Variants in LSAMP observed in about 807,000 individuals in gnomAD.
LSAMP encodes the protein limbic system associated membrane protein, also known as limbic system-associated membrane protein.
A neutral mutation model predicts 38.6 loss-of-function variants in LSAMP; 7 were observed. The ratio of observed to expected loss-of-function variants is 0.18; its 90% CI spans 0.10 to 0.34. The LOEUF is 0.34. Among genes scored for constraint, LSAMP ranks in the 10% least tolerant of loss-of-function variants. The probability of loss-of-function intolerance (pLI) is 1.00; values close to 1 mark genes in which losing one functional copy is unlikely to be tolerated. For missense variants in LSAMP, 313 were observed against 420.0 expected (o/e 0.75, Z 2.23); for synonymous variants, 154 against 166.8 (o/e 0.92, Z 0.59).
At chr3:116,264,949 T>G (rs910989364) in intron 1 of LSAMP, among the ~76,000 whole-genome samples, 1 of 152,110 alleles carries the variant, frequency 6.6e-6, no homozygotes, top group Admixed American at 6.5e-5. Context: ...GGTCTGTGGG[T>G]GGAGCTGAAC....
chr3:116,060,475 A>T (rs1333632289), intron 2 of LSAMP, among the ~76,000 whole-genome samples: 2 of 152,120 alleles, frequency 1.3e-5, no homozygotes, highest in East Asian at 3.9e-4. Context: ...AAATGTATTC[A>T]TTTGTCTGGG....
chr3:116,081,768 A>G (rs1016646408), intron 2 of LSAMP, among the ~76,000 whole-genome samples: 1 of 152,188 alleles, frequency 6.6e-6, no homozygotes, highest in African/African-American at 2.4e-5. Context: ...GCTGAGAAAA[A>G]TGTATGGGAT....
intron 2 of LSAMP, among the ~76,000 whole-genome samples, chr3:116,043,456 A>G (rs1336445489): frequency 1.3e-5 from 2 of 152,126 alleles, no homozygotes; most frequent in Non-Finnish European, 2.9e-5. Flanking sequence ...GTATCTACCT[A>G]ACTCAGAGCA....
At chr3:116,129,310 G>A (rs1243091789) in intron 1 of LSAMP, among the ~76,000 whole-genome samples, 9 of 152,156 alleles carry the variant, frequency 5.9e-5, no homozygotes, top group African/African-American at 1.9e-4. Flanking sequence ...GAATGGCACT[G>A]CATTGCACTT....
intron 1 of LSAMP, among the ~76,000 whole-genome samples, chr3:116,275,480 G>A (rs1217717089): frequency 6.6e-6 from 1 of 151,960 alleles, no homozygotes; most frequent in Non-Finnish European, 1.5e-5. Context: ...GGCATTGGGG[G>A]GAGTCTATAA....
At chr3:116,213,091 T>G (rs1170653459) in intron 1 of LSAMP, among the ~76,000 whole-genome samples, 1 of 152,170 alleles carries the variant, frequency 6.6e-6, no homozygotes, top group Non-Finnish European at 1.5e-5. Context: ...TATTTATAAA[T>G]AAATATCCAG....
At chr3:116,433,235 T>A (rs1481427107) in intron 1 of LSAMP, among the ~76,000 whole-genome samples, 1 of 152,188 alleles carries the variant, frequency 6.6e-6, no homozygotes, top group Non-Finnish European at 1.5e-5. Flanking sequence ...TTTATTTTTT[T>A]AATATTTTGT....
At chr3:115,938,889 C>G (rs1937800058) in intron 3 of LSAMP, among the ~76,000 whole-genome samples, 1 of 152,140 alleles carries the variant, frequency 6.6e-6, no homozygotes, top group African/African-American at 2.4e-5. Flanking sequence ...CATTTCAGTA[C>G]TATGCCTAAT....
chr3:115,937,338 G>T (rs1407831567), intron 3 of LSAMP, among the ~76,000 whole-genome samples: 1 of 152,060 alleles, frequency 6.6e-6, no homozygotes, highest in Non-Finnish European at 1.5e-5. Context: ...AAAACATGGT[G>T]GCATAGAAAT....
intron 1 of LSAMP, among the ~76,000 whole-genome samples, chr3:116,169,460 T>G (rs1710142275): frequency 6.6e-6 from 1 of 152,208 alleles, no homozygotes. Context: ...CATCATAGGT[T>G]AAGCTTCCAG....
intron 3 of LSAMP, among the ~76,000 whole-genome samples, chr3:115,929,031 T>C (rs1376160941): frequency 1.6e-4 from 23 of 144,938 alleles, no homozygotes; most frequent in Non-Finnish European, 6.0e-5. Flanking sequence ...TTAGCTGTAA[T>C]AATATTCTAT....
rs3974285 is a variant in LSAMP, at chr3:116,220,185, AACAC to A, written c.156-133633_156-133630del. Among the ~76,000 whole-genome samples the A allele has an allele frequency of 7.2e-3, 1,014 of 141,424 alleles. 4 individuals are homozygous for A. Among genetic ancestry groups the A allele is most frequent in the African/African-American group, 0.018 (691 of 38,484 alleles). 92.8% of individuals were successfully genotyped at this position (141,424 alleles called of 152,430 possible). A position where few individuals can be genotyped will look rare whatever the true frequency, so the allele number is the denominator to read the frequency against. ...GTGACAGAGTGAGACTCCATCTCAA[AACAC>A]ACACACACACACACACACACACACA... is the stretch of plus-strand genomic sequence containing the variant. On this transcript the variant is annotated intron_variant, in intron 1 of 6. Transcript: ENST00000490035.
chr3:116,214,893 G>A (rs1026555800), intron 1 of LSAMP, among the ~76,000 whole-genome samples: 2 of 152,246 alleles, frequency 1.3e-5, no homozygotes, highest in East Asian at 3.9e-4. Flanking sequence ...ATGGGAAGAG[G>A]AGAAATAATA....
chr3:116,130,947 A>T (rs1576382304), intron 1 of LSAMP, among the ~76,000 whole-genome samples: 2 of 141,798 alleles, frequency 1.4e-5, no homozygotes, highest in Non-Finnish European at 1.5e-5. Flanking sequence ...TTCAAAATTC[A>T]TTCACTTCAC....
At chr3:116,256,721 GTCAGTC>G (rs1405343972) in intron 1 of LSAMP, among the ~76,000 whole-genome samples, 1 of 151,998 alleles carries the variant, frequency 6.6e-6, no homozygotes, top group Admixed American at 6.6e-5. Flanking sequence ...TCTTCTGTGT[GTCAGTC>G]TCACCTCACT....
chr3:116,151,840 A>T (rs1325585840), intron 1 of LSAMP, among the ~76,000 whole-genome samples: 1 of 152,048 alleles, frequency 6.6e-6, no homozygotes, highest in Non-Finnish European at 1.5e-5. Flanking sequence ...TTGCTTCTCA[A>T]TACACGAAGA....
chr3:116,187,264 A>C (rs902565678), intron 1 of LSAMP, among the ~76,000 whole-genome samples: 14 of 152,116 alleles, frequency 9.2e-5, no homozygotes, highest in Non-Finnish European at 8.8e-5. Context: ...AACCAAAGAT[A>C]CCATAAATTT....
chr3:116,136,024 A>G (rs763752894), intron 1 of LSAMP, among the ~76,000 whole-genome samples: 1 of 152,130 alleles, frequency 6.6e-6, no homozygotes, highest in Non-Finnish European at 1.5e-5. Context: ...CTAAAGCTTA[A>G]TGAGTTATGT....
At chr3:115,851,807 G>C (rs1013273671) in intron 4 of LSAMP, among the ~76,000 whole-genome samples, 1 of 152,106 alleles carries the variant, frequency 6.6e-6, no homozygotes, top group African/African-American at 2.4e-5. Flanking sequence ...TTCCTTTGCT[G>C]GGTGACACAC....
Sources: gnomAD v4.1 joint callset for allele counts (sites outside exome capture counted in the v4.1 genomes callset) on GRCh38, gnomAD v4.1.1 for gene constraint, MANE v1.5 for transcripts, NCBI Gene and HGNC (gene_info 2026-07-23, HGNC 2026-07-21) for gene names.